FBXL17: variants seen among roughly 807,000 people sequenced by gnomAD.
FBXL17 encodes F-box and leucine rich repeat protein 17, also known as F-box/LRR-repeat protein 17.
A neutral mutation model predicts 66.2 loss-of-function variants in FBXL17; 22 were observed. The ratio of observed to expected loss-of-function variants is 0.33; its 90% CI spans 0.24 to 0.47. The LOEUF is 0.47. Ranked by LOEUF, FBXL17 falls within the 20% of genes least tolerant of loss-of-function variation. FBXL17 has a pLI of 1.00. For missense variants in FBXL17, 878 were observed against 948.2 expected (o/e 0.93, Z 0.97); for synonymous variants, 474 against 400.5 (o/e 1.18, Z -2.19).
At chr5:108,054,610 G>GT (rs1747614464) in intron 6 of FBXL17, among the ~76,000 whole-genome samples, 2 of 152,186 alleles carry the variant, frequency 1.3e-5, no homozygotes, top group African/African-American at 4.8e-5. Flanking sequence ...TGCTGAATGG[G>GT]TTAAGAGTAG....
intron 6 of FBXL17, among the ~76,000 whole-genome samples, chr5:108,051,024 A>G (rs74876150): frequency 0.015 from 2,210 of 152,302 alleles, 49 homozygotes; most frequent in African/African-American, 0.05. Context: ...ACACCTTCCA[A>G]AGACTAAACC....
chr5:108,015,599 T>C (rs1011736185), intron 7 of FBXL17, among the ~76,000 whole-genome samples: 1 of 152,206 alleles, frequency 6.6e-6, no homozygotes, highest in Non-Finnish European at 1.5e-5. Context: ...AAAATTATTT[T>C]GGGCATAGAA....
rs1748089946 is a variant in FBXL17 at position 107,860,428 on chromosome 5, C to A, written c.*1292G>T. On this transcript the variant is annotated 3_prime_UTR_variant, in exon 9 of 9. Transcript: ENST00000542267. Reference sequence around the variant, plus strand: ...CAGGAACAGTTATTTGAGCCTGAGTCCCTATTATGAATTAATTGTAAAGAT... The same window carrying A: ...CAGGAACAGTTATTTGAGCCTGAGTACCTATTATGAATTAATTGTAAAGAT... The A allele has an allele frequency of 1.3e-5, 2 of 152,610 alleles. No individual in the cohort carries two copies. Among genetic ancestry groups the A allele is most frequent in the Admixed American group, 1.3e-4 (2 of 15,274 alleles). The allele number at this position is 152,610 out of a possible 1,614,324, so 9.5% of individuals were successfully genotyped here. A position where few individuals can be genotyped will look rare whatever the true frequency, so the allele number is the denominator to read the frequency against.
Position 107,940,365 on chromosome 5 carries a change from A to G in FBXL17, c.1823-59186T>C, listed in dbSNP as rs942628283. Among the ~76,000 whole-genome samples the G allele has an allele frequency of 1.9e-4, 29 of 152,050 alleles. 1 individual carries two copies. Among genetic ancestry groups the G allele is most frequent in the Admixed American group, 1.9e-3 (29 of 15,252 alleles). The stretch of plus-strand genomic sequence containing the variant: ...CTACCACATAAACTCAGTTTTTTGG[A>G]GGAGGGGGACACATGGACAAACAAC... On this transcript the variant is annotated intron_variant, in intron 7 of 8. Coordinates refer to ENST00000542267, the MANE Select transcript of FBXL17 (RefSeq NM_001163315.3).
In FBXL17 at chr5:108,037,037, C is replaced by T. The variant is rs759567613; in HGVS notation, c.1746-16036G>A. On this transcript the variant is annotated intron_variant, in intron 6 of 8. Coordinates refer to ENST00000542267, the MANE Select transcript of FBXL17 (RefSeq NM_001163315.3). The stretch of plus-strand genomic sequence containing the variant: ...AGGAGAAAAGGCTGCATATGTAGAT[C>T]CCTAGGGTTTAAAATATAAATAATA... Among the ~76,000 whole-genome samples the T allele has an allele frequency of 3.3e-5, 5 of 151,972 alleles. No individual in the cohort carries two copies. The South Asian group carries it at 1.0e-3, about 32-fold the overall frequency.
intron 6 of FBXL17, among the ~76,000 whole-genome samples, chr5:108,027,112 T>C (rs1754855091): frequency 6.6e-6 from 1 of 152,266 alleles, no homozygotes; most frequent in Admixed American, 6.5e-5. Context: ...GGAATGGCCA[T>C]CACAAACCTG....
intron 7 of FBXL17, among the ~76,000 whole-genome samples, chr5:107,992,377 G>C (rs1381419046): frequency 6.6e-6 from 1 of 151,892 alleles, no homozygotes; most frequent in Admixed American, 6.6e-5. Flanking sequence ...TGGTGTAGCA[G>C]AAGAAAAAAA....
chr5:108,204,408 A>G (rs1754026333), intron 5 of FBXL17, among the ~76,000 whole-genome samples: 1 of 151,808 alleles, frequency 6.6e-6, no homozygotes, highest in Non-Finnish European at 1.5e-5. Context: ...CTGGTCTTGA[A>G]CTCCTGGCCT....
chr5:108,236,733 G>A (rs1755620755), intron 4 of FBXL17, among the ~76,000 whole-genome samples: 1 of 152,126 alleles, frequency 6.6e-6, no homozygotes, highest in African/African-American at 2.4e-5. Context: ...TAATTTCTGG[G>A]TCATTTTCCG....
At chr5:108,218,867 T>C (rs1754725209) in intron 5 of FBXL17, among the ~76,000 whole-genome samples, 1 of 152,232 alleles carries the variant, frequency 6.6e-6, no homozygotes, top group Non-Finnish European at 1.5e-5. Flanking sequence ...CTTTCTTCCA[T>C]TCCATAGGTT....
chr5:108,355,007 A>C (rs1747885964), intron 3 of FBXL17, among the ~76,000 whole-genome samples: 1 of 152,076 alleles, frequency 6.6e-6, no homozygotes. Context: ...CCTGCCTTGC[A>C]AGAAACGATA....
chr5:107,881,757 C>T (rs1345546903), intron 7 of FBXL17, among the ~76,000 whole-genome samples: 1 of 152,172 alleles, frequency 6.6e-6, no homozygotes, highest in South Asian at 2.1e-4. Context: ...TGGTGCCATG[C>T]TAGAGTGCAG....
At chr5:108,379,957 A>C (rs1414720409) in intron 1 of FBXL17, among the ~76,000 whole-genome samples, 1 of 152,244 alleles carries the variant, frequency 6.6e-6, no homozygotes, top group Non-Finnish European at 1.5e-5. Context: ...AACATAGCAT[A>C]AACAAAGAGG....
intron 5 of FBXL17, among the ~76,000 whole-genome samples, chr5:108,199,231 A>C (rs560095044): frequency 2.1e-4 from 32 of 152,286 alleles, no homozygotes; most frequent in African/African-American, 6.0e-4. Flanking sequence ...TTTTAAAACA[A>C]ATAAACAAGT....
At chr5:107,994,460 T>TA (rs1407234428) in intron 7 of FBXL17, among the ~76,000 whole-genome samples, 1 of 152,020 alleles carries the variant, frequency 6.6e-6, no homozygotes, top group African/African-American at 2.4e-5. Flanking sequence ...GGTAATTAAT[T>TA]AAAAATTAGT....
intron 3 of FBXL17, among the ~76,000 whole-genome samples, chr5:108,357,663 A>T (rs1748087880): frequency 6.6e-6 from 1 of 152,078 alleles, no homozygotes; most frequent in Non-Finnish European, 1.5e-5. Flanking sequence ...ATAAAATAAA[A>T]ATCGATTACA....
intron 4 of FBXL17, among the ~76,000 whole-genome samples, chr5:108,254,399 C>G (rs1333428074): frequency 6.6e-6 from 1 of 152,158 alleles, no homozygotes; most frequent in Non-Finnish European, 1.5e-5. Context: ...TCTTCCCTGT[C>G]AATTCCCAAC....
intron 6 of FBXL17, among the ~76,000 whole-genome samples, chr5:108,097,721 G>A (rs886604915): frequency 2.7e-5 from 4 of 150,914 alleles, no homozygotes; most frequent in South Asian, 2.1e-4. Flanking sequence ...CCCGGGAGGC[G>A]GAAGCTGCAG....
At chr5:108,214,909 C>A (rs1395135233) in intron 5 of FBXL17, among the ~76,000 whole-genome samples, 1 of 152,080 alleles carries the variant, frequency 6.6e-6, no homozygotes, top group African/African-American at 2.4e-5. Context: ...TGAAAAGAAA[C>A]CCAGTATAAA....
Sources: allele counts gnomAD v4.1 joint callset (sites outside exome capture counted in the v4.1 genomes callset), GRCh38; gene constraint gnomAD v4.1.1; transcripts MANE v1.5; gene names NCBI Gene and HGNC (gene_info 2026-07-23, HGNC 2026-07-21).